The following MOV10L1 variants were observed in gnomAD, a reference collection of about 807,000 sequenced individuals.
The protein encoded by MOV10L1 is Mov10 like RNA helicase 1.
MOV10L1 carries 110 observed loss-of-function variants against 143.8 expected under a neutral mutation model. The observed-to-expected ratio is 0.76, with a 90% CI of 0.66 to 0.90. MOV10L1 has a LOEUF of 0.90. MOV10L1 is among the 40% of genes least tolerant of loss of function. The pLI is 0.00. For missense variants in MOV10L1, 1,406 were observed against 1,526.8 expected (o/e 0.92, Z 1.32); for synonymous variants, 593 against 581.1 (o/e 1.02, Z -0.29).
At chr22:50,092,978 G>T (rs2062491637) in intron 2 of MOV10L1, 1 of 152,116 alleles carries the variant, frequency 6.6e-6, no homozygotes, top group Non-Finnish European at 1.5e-5. Context: ...TCAGCTCACT[G>T]CAAGCTCCGC....
At chr22:50,120,469 C>T (rs975518898) in intron 9 of MOV10L1, 33 bp from the exon 10 acceptor site, 3 of 1,399,340 alleles carry the variant, frequency 2.1e-6, no homozygotes, top group African/African-American at 1.4e-5. Context: ...GTGATAAAGA[C>T]TTATTTTTAA....
intron 1 of MOV10L1, 65 bp downstream of exon 1, chr22:50,090,250 G>T (rs1410074566): frequency 7.8e-6 from 11 of 1,407,186 alleles, no homozygotes; most frequent in Non-Finnish European, 1.0e-5. Flanking sequence ...CGAGGGAGCC[G>T]CGCCCATAGG....
chr22:50,117,915 G>A (rs571720598), intron 9 of MOV10L1, among the ~76,000 whole-genome samples: 115 of 152,266 alleles, frequency 7.6e-4, no homozygotes, highest in African/African-American at 2.7e-3. Context: ...GTTCTCTTCT[G>A]TAGTTATAAA....
intron 10 of MOV10L1, among the ~76,000 whole-genome samples, chr22:50,121,970 C>A (rs544607233): frequency 6.6e-6 from 1 of 151,930 alleles, no homozygotes; most frequent in South Asian, 2.1e-4. Flanking sequence ...ATTTTTTTTC[C>A]CCAGAGACGA....
At chr22:50,102,805 G>A (rs1372548009) in intron 3 of MOV10L1, among the ~76,000 whole-genome samples, 2 of 152,170 alleles carry the variant, frequency 1.3e-5, no homozygotes, top group Admixed American at 1.3e-4. Context: ...GGAGGCTAAG[G>A]CAGGAGAATC....
intron 2 of MOV10L1, chr22:50,095,832 A>C (rs147041528): frequency 1.1e-3 from 164 of 151,706 alleles, no homozygotes; most frequent in African/African-American, 3.9e-3. Context: ...GTTCATCTCT[A>C]CTCACAATCT....
chr22:50,141,470 A>G (rs1186711557), intron 15 of MOV10L1, among the ~76,000 whole-genome samples: 2 of 149,940 alleles, frequency 1.3e-5, no homozygotes, highest in Admixed American at 6.7e-5. Context: ...CTGGGACCAC[A>G]GGTGAGCACC....
In MOV10L1 at chr22:50,158,354, A is replaced by C; in HGVS notation, c.3216+148A>C. ...GGACCGCACTTGAATGTCGTTCAAC[A>C]TGAGAGGTCACCCAACTGCCATCCA... On this transcript the variant is annotated intron_variant, in intron 23 of 26. Coordinates refer to ENST00000262794, the MANE Select transcript of MOV10L1 (RefSeq NM_018995.3). This position sits in a 1 kb window ranked among gnomAD's most constrained non-coding sequence, Gnocchi z 5.0. 1.0e-6 allele frequency: 1 copy of C among 974,976 alleles called. No homozygotes were observed. Among genetic ancestry groups the C allele is most frequent in the East Asian group, 2.8e-5 (1 of 35,622 alleles). 60.4% of individuals were successfully genotyped at this position (974,976 alleles called of 1,614,324 possible). A position where few individuals can be genotyped will look rare whatever the true frequency, so the allele number is the denominator to read the frequency against.
chr22:50,125,379 G>T lies in MOV10L1; in HGVS notation c.1570-13G>T. ...AGCTGTTGCTGACTTTATAACATTT[G>T]GGTGTTTTCCAGCTTCTGAACATGT... On this transcript the variant is annotated splice_polypyrimidine_tract_variant and intron_variant, in intron 10 of 26. Coordinates refer to ENST00000262794, the MANE Select transcript of MOV10L1 (RefSeq NM_018995.3). 1.2e-6 allele frequency: 2 copies of T among 1,613,104 alleles called. No individual in the cohort carries two copies. Among genetic ancestry groups the T allele is most frequent in the Non-Finnish European group, 1.7e-6 (2 of 1,179,350 alleles).
intron 13 of MOV10L1, 38 bp from the exon 14 acceptor site, chr22:50,133,969 G>T: frequency 2.5e-6 from 4 of 1,570,338 alleles, no homozygotes; most frequent in Non-Finnish European, 3.5e-6. Flanking sequence ...ATTTCTGAAT[G>T]TAAGGTTAGT....
At chr22:50,135,371 T>C (rs138081834) in intron 15 of MOV10L1, among the ~76,000 whole-genome samples, 13 of 152,280 alleles carry the variant, frequency 8.5e-5, no homozygotes, top group African/African-American at 2.9e-4. Flanking sequence ...TTTATGTGAT[T>C]GTGTATGCAT....
intron 22 of MOV10L1, 138 bp downstream of exon 22, chr22:50,153,356 A>G (rs2063346520): frequency 2.8e-6 from 3 of 1,076,816 alleles, no homozygotes; most frequent in Non-Finnish European, 2.6e-6. Context: ...GTGAAAAGCC[A>G]TCGGGGGCTT....
At chr22:50,096,203 A>C (rs960340262) in intron 2 of MOV10L1, 1 of 152,170 alleles carries the variant, frequency 6.6e-6, no homozygotes, top group Non-Finnish European at 1.5e-5. Flanking sequence ...ACAGTTATTC[A>C]GTGTTCTACT....
intron 9 of MOV10L1, 50 bp downstream of exon 9, chr22:50,117,401 G>A (rs533040413): frequency 5.7e-6 from 9 of 1,589,806 alleles, no homozygotes; most frequent in Non-Finnish European, 7.7e-6. Context: ...TTTTATCTGT[G>A]AAGGAAAAGC....
chr22:50,134,059 G>A lies in MOV10L1; in HGVS notation c.1963G>A (p.Val655Ile), dbSNP rs772409397. 12 of 1,609,040 alleles carry A rather than the reference G, an allele frequency of 7.5e-6. No individual in the cohort carries two copies. Among genetic ancestry groups the A allele is most frequent in the African/African-American group, 1.3e-5 (1 of 74,904 alleles). The change falls in exon 14 of 27, where the codon GTA becomes ATA. Residue 655 changes from valine (V) to isoleucine (I), a missense_variant. Physicochemically the swap from Val to Ile is conservative, Grantham distance 29. Around this residue, in one of 3 missense-constraint regions of MOV10L1, gnomAD observed 1,233 missense variants for 1,351.4 expected, o/e 0.91. Coordinates refer to ENST00000262794, the MANE Select transcript of MOV10L1 (RefSeq NM_018995.3). Reference protein sequence around the residue: ...FALEHVIHLGVKVLFPEEIIL... With the variant: ...FALEHVIHLGIKVLFPEEIIL... Reference sequence around the variant, plus strand: ...ACTTGAACACGTCATCCACTTAGGTGTAAAAGGTATTACTTTTATAGAATG... The same window carrying A: ...ACTTGAACACGTCATCCACTTAGGTATAAAAGGTATTACTTTTATAGAATG...
chr22:50,123,254 AT>A (rs1310389203), intron 10 of MOV10L1, among the ~76,000 whole-genome samples: 1 of 150,802 alleles, frequency 6.6e-6, no homozygotes, highest in East Asian at 1.9e-4. Flanking sequence ...TGATCATATG[AT>A]TTTTTTTCCT....
At chr22:50,123,059 A>T (rs1457739028) in intron 10 of MOV10L1, among the ~76,000 whole-genome samples, 1 of 152,004 alleles carries the variant, frequency 6.6e-6, no homozygotes, top group East Asian at 1.9e-4. Context: ...ATTTTGTCAG[A>T]TGCTAGCTGG....
In MOV10L1 at chr22:50,120,540, A is replaced by G; in HGVS notation, c.1493A>G (p.Tyr498Cys). 1.9e-6 allele frequency: 3 copies of G among 1,613,098 alleles called. No homozygotes were observed. Among genetic ancestry groups the G allele is most frequent in the Non-Finnish European group, 2.5e-6 (3 of 1,179,590 alleles). Residue 498 changes from tyrosine (Y) to cysteine (C), a missense_variant, in exon 10 of 27, where the codon TAT becomes TGT. By Grantham distance (194) the Tyr-to-Cys change is radical (BLOSUM62 -2). Around this residue, in one of 3 missense-constraint regions of MOV10L1, gnomAD observed 1,233 missense variants for 1,351.4 expected, o/e 0.91. Transcript: ENST00000262794. ...CAACTTCCAAGTTTTCTTCCCCAAT[A>G]TCCAATCCCAGATAGACTTAGAAAA... is the stretch of plus-strand genomic sequence containing the variant. ...RRQLPSFLPQ[Y>C]PIPDRLRKCV...
At chr22:50,107,456 T>C (rs2061903234) in intron 3 of MOV10L1, among the ~76,000 whole-genome samples, 1 of 152,252 alleles carries the variant, frequency 6.6e-6, no homozygotes, top group Admixed American at 6.5e-5. Flanking sequence ...TCACCAGCTT[T>C]CTGGAGACAC....
Sources: allele counts gnomAD v4.1 joint callset (sites outside exome capture counted in the v4.1 genomes callset), GRCh38; gene constraint gnomAD v4.1.1; regional missense constraint gnomAD v4.1.1; non-coding constraint Gnocchi (gnomAD v3.1); transcripts MANE v1.5; gene names NCBI Gene and HGNC (gene_info 2026-07-23, HGNC 2026-07-21).